The following LDB2 variants were observed in gnomAD, a reference collection of about 807,000 sequenced individuals.
The protein encoded by LDB2 is LIM domain binding 2.
LDB2 carries 12 observed loss-of-function variants against 44.3 expected under a neutral mutation model. The ratio of observed to expected loss-of-function variants is 0.27; its 90% CI spans 0.17 to 0.44. LDB2 has a LOEUF of 0.44. Among genes scored for constraint, LDB2 ranks in the 20% least tolerant of loss-of-function variants. LDB2 has a pLI of 1.00. For missense variants in LDB2, 344 were observed against 473.5 expected, an observed-to-expected ratio of 0.73 and a Z score of 2.54; for synonymous variants, 164 against 174.8, an observed-to-expected ratio of 0.94 and a Z score of 0.49.
intron 2 of LDB2, among the ~76,000 whole-genome samples, chr4:16,686,018 C>G (rs1214079443): frequency 6.6e-6 from 1 of 152,096 alleles, no homozygotes; most frequent in Non-Finnish European, 1.5e-5. Flanking sequence ...TGCCACTGCA[C>G]TCCAGCATGG....
chr4:16,686,979 A>G (rs1749404796), intron 2 of LDB2, among the ~76,000 whole-genome samples: 1 of 151,724 alleles, frequency 6.6e-6, no homozygotes, highest in Non-Finnish European at 1.5e-5. Flanking sequence ...TCTGCTTTCC[A>G]CCTCTCCTTT....
At chr4:16,812,028 T>C (rs1301944226) in intron 1 of LDB2, among the ~76,000 whole-genome samples, 1 of 152,244 alleles carries the variant, frequency 6.6e-6, no homozygotes, top group African/African-American at 2.4e-5. Flanking sequence ...AATTTACATT[T>C]ATCACAAATA....
In LDB2 at chr4:16,502,706, G is replaced by C; in HGVS notation, c.1059C>G (p.Asn353Lys). ...TCTCTTGAGTGGCGGGAGGTTTACT[G>C]TTCCACGGGCTGTTGTTCCCCAGCG... Reference protein sequence around the residue: ...SPALGNNSPWNSKPPATQETK... With the variant: ...SPALGNNSPWKSKPPATQETK... The change falls in exon 8 of 8, where the codon AAC becomes AAG. Residue 353 changes from asparagine to lysine, a missense_variant. Around this residue, in one of 3 missense-constraint regions of LDB2, gnomAD observed 32 missense variants for 32.3 expected, o/e 0.99. Transcript: ENST00000304523. 1.2e-6 allele frequency: 2 copies of C among 1,613,966 alleles called. No individual in the cohort carries two copies. Among genetic ancestry groups the C allele is most frequent in the Non-Finnish European group, 1.7e-6 (2 of 1,179,956 alleles).
rs189457183 is a variant in LDB2 at position 16,590,427 on chromosome 4, C to T, written c.409-1595G>A. 2.6e-5 allele frequency among the ~76,000 whole-genome samples: 4 copies of T among 152,262 alleles called. No individual in the cohort carries two copies. The East Asian group carries it at 7.7e-4, about 29-fold the overall frequency. On this transcript the variant is annotated intron_variant, in intron 3 of 7. Transcript: ENST00000304523. ...CACGAAGTTAGTGAACAATTTATATCAGCCTTTTACGAAATATTAATAATC... is the reference window on the plus strand; with the variant it reads ...CACGAAGTTAGTGAACAATTTATATTAGCCTTTTACGAAATATTAATAATC...
Position 16,533,514 on chromosome 4 carries a change from CA to C in LDB2, c.616-21411del, listed in dbSNP as rs1360510601. On this transcript the variant is annotated intron_variant, in intron 5 of 7. Coordinates refer to ENST00000304523, the MANE Select transcript of LDB2 (RefSeq NM_001290.5). This position sits in a 1 kb window ranked among gnomAD's most constrained non-coding sequence, Gnocchi z 4.1. ...GTCCTAAAAAAGCAATGACAAATGA[CA>C]CAATGAAATTGTATCCTGGATGGTG... Among the ~76,000 whole-genome samples the C allele has an allele frequency of 3.3e-5, 5 of 152,144 alleles. No homozygotes were observed. Among genetic ancestry groups the C allele is most frequent in the African/African-American group, 9.7e-5 (4 of 41,440 alleles).
chr4:16,799,164 T>A (rs1477051984), intron 1 of LDB2, among the ~76,000 whole-genome samples: 1 of 151,734 alleles, frequency 6.6e-6, no homozygotes, highest in Non-Finnish European at 1.5e-5. Context: ...GTGACTGGGG[T>A]TTTCATCTGT....
At chr4:16,705,282 T>C (rs934599624) in intron 2 of LDB2, among the ~76,000 whole-genome samples, 12 of 152,244 alleles carry the variant, frequency 7.9e-5, no homozygotes, top group East Asian at 3.9e-4. Flanking sequence ...CCATGCCCTA[T>C]GGCTTCTGAC....
chr4:16,671,797 T>G (rs899488046), intron 2 of LDB2, among the ~76,000 whole-genome samples: 1 of 151,818 alleles, frequency 6.6e-6, no homozygotes, highest in African/African-American at 2.4e-5. Flanking sequence ...CACCGAGAGC[T>G]CCTCCACAAG....
intron 1 of LDB2, among the ~76,000 whole-genome samples, chr4:16,799,413 T>C (rs1777344873): frequency 2.6e-5 from 4 of 152,200 alleles, no homozygotes; most frequent in Admixed American, 1.3e-4. Flanking sequence ...TCACGGGATA[T>C]AAGCCCCATG....
intron 1 of LDB2, among the ~76,000 whole-genome samples, chr4:16,866,914 A>G (rs1480696862): frequency 2.6e-5 from 4 of 152,222 alleles, no homozygotes; most frequent in Non-Finnish European, 5.9e-5. Context: ...AAGGTGGTGT[A>G]GATATTCCCA....
chr4:16,662,627 G>T (rs766845823), intron 2 of LDB2, among the ~76,000 whole-genome samples: 3 of 151,992 alleles, frequency 2.0e-5, no homozygotes, highest in Non-Finnish European at 4.4e-5. Context: ...TAATTGAATC[G>T]TGAGGCAAGT....
intron 1 of LDB2, among the ~76,000 whole-genome samples, chr4:16,859,287 C>A (rs1023828810): frequency 6.6e-6 from 1 of 152,214 alleles, no homozygotes; most frequent in African/African-American, 2.4e-5. Context: ...AACTTGTGTT[C>A]AGCTGAATTC....
At chr4:16,524,920 C>T (rs1021077066) in intron 5 of LDB2, among the ~76,000 whole-genome samples, 4 of 152,126 alleles carry the variant, frequency 2.6e-5, no homozygotes. Context: ...GGTTATTCTT[C>T]CCAGGGACCT....
intron 5 of LDB2, among the ~76,000 whole-genome samples, chr4:16,549,648 C>T (rs554865412): frequency 3.6e-4 from 55 of 152,278 alleles, no homozygotes; most frequent in African/African-American, 1.3e-3. Flanking sequence ...AGGCGCACCT[C>T]TGTTGAAAGA....
intron 2 of LDB2, among the ~76,000 whole-genome samples, chr4:16,704,559 C>T (rs1754189904): frequency 6.6e-6 from 1 of 152,142 alleles, no homozygotes; most frequent in Non-Finnish European, 1.5e-5. Context: ...TGTATCTATT[C>T]CCATAGCTTG....
chr4:16,742,691 A>C (rs1000221560), intron 2 of LDB2, among the ~76,000 whole-genome samples: 2 of 152,190 alleles, frequency 1.3e-5, no homozygotes, highest in East Asian at 3.9e-4. Context: ...CGCTCATGGA[A>C]TCAGGTATAC....
chr4:16,694,760 G>A (rs184043295), intron 2 of LDB2, among the ~76,000 whole-genome samples: 190 of 152,280 alleles, frequency 1.2e-3, no homozygotes, highest in African/African-American at 4.2e-3. Flanking sequence ...CCATGTACTC[G>A]TCGGCTACAT....
At chr4:16,655,185 C>A (rs1044338588) in intron 2 of LDB2, among the ~76,000 whole-genome samples, 1 of 152,048 alleles carries the variant, frequency 6.6e-6, no homozygotes, top group Non-Finnish European at 1.5e-5. Context: ...GTGGAAGCAC[C>A]GCATTAATAT....
chr4:16,847,859 A>C (rs987879677), intron 1 of LDB2, among the ~76,000 whole-genome samples: 43 of 152,212 alleles, frequency 2.8e-4, no homozygotes, highest in East Asian at 1.9e-4. Context: ...CTCGTGATCC[A>C]CCCGCCTTGG....
Sources: gnomAD v4.1 joint callset for allele counts (sites outside exome capture counted in the v4.1 genomes callset) on GRCh38, gnomAD v4.1.1 for gene constraint, gnomAD v4.1.1 regional missense constraint, Gnocchi (gnomAD v3.1) non-coding constraint, MANE v1.5 for transcripts, NCBI Gene and HGNC (gene_info 2026-07-23, HGNC 2026-07-21) for gene names.